The following FCRL5 variants were observed in gnomAD, a reference collection of about 807,000 sequenced individuals.
The protein encoded by FCRL5 is Fc receptor-like protein 5.
FCRL5 carries 79 observed loss-of-function variants against 92.1 expected under a neutral mutation model. The ratio of observed to expected loss-of-function variants is 0.86; its 90% CI spans 0.72 to 1.03. FCRL5 has a LOEUF of 1.03. FCRL5 is among the 50% of genes least tolerant of loss of function. The pLI is 0.00. For synonymous variants in FCRL5, 466 were observed against 469.3 expected (o/e 0.99, Z 0.09); for missense variants, 1,160 against 1,181.1 (o/e 0.98, Z 0.26).
chr1:157,534,869 T>G lies in FCRL5; in HGVS notation c.1426A>C (p.Thr476Pro), dbSNP rs1422637234. The change falls in exon 8 of 17, where the codon ACC becomes CCC. Residue 476 changes from threonine to proline, a missense_variant. By Grantham distance (38) the Thr-to-Pro change is conservative (BLOSUM62 -1). Coordinates refer to ENST00000361835, the MANE Select transcript of FCRL5 (RefSeq NM_031281.3). ...VTVPVSHPVL[T>P]LSSAEALTFE... ...GTCAGGGCCTCAGCAGAGCTGAGGGTGAGGACAGGATGAGACACAGGGACT... is the reference window on the plus strand; with the variant it reads ...GTCAGGGCCTCAGCAGAGCTGAGGGGGAGGACAGGATGAGACACAGGGACT... 9 of 1,556,010 alleles carry G rather than the reference T, an allele frequency of 5.8e-6. No individual in the cohort carries two copies. The highest frequency in any genetic ancestry group is 6.1e-6 in the Non-Finnish European group (7 of 1,153,014).
At chr1:157,532,313 T>C (rs555012549) in intron 8 of FCRL5, 1 of 152,312 alleles carries the variant, frequency 6.6e-6, no homozygotes, top group South Asian at 2.1e-4. Flanking sequence ...GGCTACTAGT[T>C]GGTTTTCCAT....
chr1:157,539,054 G>C, intron 7 of FCRL5, 32 bp downstream of exon 7: 1 of 1,604,202 alleles, frequency 6.2e-7, no homozygotes, highest in Non-Finnish European at 8.5e-7. Context: ...TCTTGGCCAG[G>C]GGTGGGTGAT....
At chr1:157,549,617 C>A in intron 1 of FCRL5, 37 bp from the exon 2 acceptor site, 1 of 1,598,880 alleles carries the variant, frequency 6.3e-7, no homozygotes, top group Non-Finnish European at 8.5e-7. Context: ...AGCACAGAAC[C>A]ATGATTATTT....
Position 157,524,537 on chromosome 1 carries a change from G to C in FCRL5, c.1981C>G (p.Leu661Val), listed in dbSNP as rs765851502. The change falls in exon 10 of 17, where the codon CTC becomes GTC. Residue 661 changes from leucine to valine, a missense_variant. Leu to Val is a conservative substitution (Grantham distance 32). Coordinates refer to ENST00000361835, the MANE Select transcript of FCRL5 (RefSeq NM_031281.3). ...TGGGCCCTGGGAGCCCTGAAGGTGA[G>C]GATGGGACGAGATACTGGAACTGAG... ...SVIVPVSRPI[L>V]TFRAPRAQAV... 1.2e-6 allele frequency: 2 copies of C among 1,609,164 alleles called. No homozygotes were observed. Among genetic ancestry groups the C allele is most frequent in the East Asian group, 4.5e-5 (2 of 44,834 alleles).
intron 7 of FCRL5, among the ~76,000 whole-genome samples, chr1:157,538,201 C>T (rs1291217608): frequency 2.0e-5 from 3 of 152,190 alleles, no homozygotes; most frequent in East Asian, 3.8e-4. Flanking sequence ...GATGACTCCC[C>T]CTGGGTTCCC....
chr1:157,533,870 G>C (rs1402557823), intron 8 of FCRL5: 1 of 156,728 alleles, frequency 6.4e-6, no homozygotes, highest in Non-Finnish European at 1.4e-5. Context: ...AGTTATGCTA[G>C]GGGCATGTCT....
At chr1:157,550,669 G>A (rs1396977518) in intron 1 of FCRL5, among the ~76,000 whole-genome samples, 4 of 152,170 alleles carry the variant, frequency 2.6e-5, no homozygotes, top group East Asian at 1.9e-4. Context: ...GACCTATAAC[G>A]GTGAATGGCA....
At chr1:157,541,059 T>G (rs923612629) in intron 6 of FCRL5, among the ~76,000 whole-genome samples, 1 of 152,218 alleles carries the variant, frequency 6.6e-6, no homozygotes, top group Non-Finnish European at 1.5e-5. Flanking sequence ...TGTGGCTAAA[T>G]TCACTGGATG....
intron 8 of FCRL5, chr1:157,534,329 A>G (rs1650834805): frequency 1.4e-6 from 1 of 708,496 alleles, no homozygotes; most frequent in Non-Finnish European, 2.6e-6. Context: ...CGCTCCGTGC[A>G]TCAAGAAAAA....
chr1:157,524,520 G>A lies in FCRL5; in HGVS notation c.1998C>T (p.Pro666=). 1 of 1,613,100 alleles carries A rather than the reference G, an allele frequency of 6.2e-7. No individual in the cohort carries two copies. The highest frequency in any genetic ancestry group is 1.3e-5 in the African/African-American group (1 of 75,036). ...VSRPILTFRA[P]RAQAVVGDLL... ...GGTCCCCCACCACAGCCTGGGCCCT[G>A]GGAGCCCTGAAGGTGAGGATGGGAC... The change falls in exon 10 of 17, where the codon CCC becomes CCT. Residue 666 remains proline, a synonymous_variant. Transcript: ENST00000361835.
At chr1:157,520,967 G>A (rs1215387915) in intron 11 of FCRL5, 50 bp downstream of exon 11, 2 of 1,555,930 alleles carry the variant, frequency 1.3e-6, no homozygotes, top group Middle Eastern at 2.3e-4. Context: ...CAGAGGGTCC[G>A]CGGAGGAAAC....
At chr1:157,541,874 C>T (rs1651279194) in intron 6 of FCRL5, 1 of 152,264 alleles carries the variant, frequency 6.6e-6, no homozygotes, top group African/African-American at 2.4e-5. Flanking sequence ...TTGAATAGGA[C>T]TTTAAACATC....
In FCRL5 at chr1:157,539,311, C is replaced by G. The variant is rs1437108736; in HGVS notation, c.1177G>C (p.Glu393Gln). The G allele has an allele frequency of 6.2e-7, 1 of 1,614,016 alleles. No individual in the cohort carries two copies. The highest frequency in any genetic ancestry group is 8.5e-7 in the Non-Finnish European group (1 of 1,179,954). Reference sequence around the variant, plus strand: ...CAGTGAAGTGTCACCTTGGCTCCCTCAAAAATCAGGTCCTCAGGAGAGCTG... The same window carrying G: ...CAGTGAAGTGTCACCTTGGCTCCCTGAAAAATCAGGTCCTCAGGAGAGCTG... ...NLSSPEDLIF[E>Q]GAKVTLHCEA... Residue 393 changes from glutamate to glutamine, a missense_variant, in exon 7 of 17, where the codon GAG becomes CAG. Physicochemically the swap from Glu to Gln is conservative, Grantham distance 29. Coordinates refer to ENST00000361835, the MANE Select transcript of FCRL5 (RefSeq NM_031281.3).
At chr1:157,542,828 G>A (rs761331298) in intron 6 of FCRL5, 31 bp downstream of exon 6, 62 of 1,596,024 alleles carry the variant, frequency 3.9e-5, no homozygotes, top group Non-Finnish European at 5.0e-5. Flanking sequence ...CTTGGCCAGG[G>A]GTGGGTGATT....
At chr1:157,534,426 G>T in intron 8 of FCRL5, 188 bp downstream of exon 8, 1 of 728,802 alleles carries the variant, frequency 1.4e-6, no homozygotes, top group Non-Finnish European at 2.5e-6. Flanking sequence ...CTACTGAGCT[G>T]TTTTAGGGGT....
chr1:157,549,675 T>C (rs1651725585), intron 1 of FCRL5, 95 bp from the exon 2 acceptor site: 3 of 1,102,164 alleles, frequency 2.7e-6, no homozygotes, highest in East Asian at 2.6e-5. Context: ...GTATTACTTG[T>C]CCCTTTAAAA....
intron 13 of FCRL5, among the ~76,000 whole-genome samples, chr1:157,519,302 C>T (rs1650072930): frequency 1.3e-5 from 2 of 152,226 alleles, no homozygotes; most frequent in Admixed American, 1.3e-4. Context: ...GGACTACCTC[C>T]TGCTGGCAGA....
intron 3 of FCRL5, among the ~76,000 whole-genome samples, chr1:157,546,462 A>C (rs1343311802): frequency 6.6e-6 from 1 of 151,156 alleles, no homozygotes; most frequent in African/African-American, 2.4e-5. Context: ...AACCAAACCA[A>C]ACCAAACCAA....
At chr1:157,540,363 C>T (rs1651200562) in intron 6 of FCRL5, among the ~76,000 whole-genome samples, 1 of 152,190 alleles carries the variant, frequency 6.6e-6, no homozygotes, top group South Asian at 2.1e-4. Context: ...CTCACTCTGA[C>T]CTGGGCCCTG....
Sources: allele counts gnomAD v4.1 joint callset (sites outside exome capture counted in the v4.1 genomes callset), GRCh38; gene constraint gnomAD v4.1.1; transcripts MANE v1.5; gene names NCBI Gene and HGNC (gene_info 2026-07-23, HGNC 2026-07-21).